GCNT1: variants seen among roughly 807,000 people sequenced by gnomAD.
The protein encoded by GCNT1 is glucosaminyl (N-acetyl) transferase 1, also known as beta-1,3-galactosyl-O-glycosyl-glycoprotein beta-1,6-N-acetylglucosaminyltransferase.
GCNT1 carries 16 observed loss-of-function variants against 26.2 expected under a neutral mutation model. The observed-to-expected ratio is 0.61, with a 90% CI of 0.41 to 0.93. GCNT1 has a LOEUF of 0.93. Among genes scored for constraint, GCNT1 ranks in the 40% least tolerant of loss-of-function variants. The probability of loss-of-function intolerance (pLI) is 0.00; values close to 1 mark genes in which losing one functional copy is unlikely to be tolerated. For missense variants in GCNT1, 477 were observed against 526.7 expected, an observed-to-expected ratio of 0.91 and a Z score of 0.92; for synonymous variants, 183 against 190.8, an observed-to-expected ratio of 0.96 and a Z score of 0.34.
intron 2 of GCNT1, among the ~76,000 whole-genome samples, chr9:76,483,230 C>T (rs1485097054): frequency 6.6e-6 from 1 of 152,092 alleles, no homozygotes; most frequent in East Asian, 1.9e-4. Flanking sequence ...ATTTCAAGTG[C>T]TCAGTAGTTG....
the GCNT1 span, among the ~76,000 whole-genome samples, chr9:76,405,288 AAC>A: frequency 3.5e-4 from 52 of 149,740 alleles, no homozygotes; most frequent in African/African-American, 1.0e-3. Context: ...CCTGACCTTC[AAC>A]ACACACACAC....
chr9:76,439,883 T>C (rs1008175724), upstream of GCNT1, among the ~76,000 whole-genome samples: 3 of 152,002 alleles, frequency 2.0e-5, no homozygotes, highest in Non-Finnish European at 4.4e-5. Flanking sequence ...GCAGATCACC[T>C]GAGGTCAGGA....
At position 76,504,597 on chromosome 9, in the gene GCNT1, G is replaced by C. The variant is rs78618928; in HGVS notation, c.*929G>C. The stretch of plus-strand genomic sequence containing the variant: ...GGTTTGAGGGGCTGGGGAGTGGGAG[G>C]GGGGAGAAAAGGAATGTATTTAAAC... On this transcript the variant is annotated 3_prime_UTR_variant, in exon 4 of 4. Transcript: ENST00000376730. 29 of 409,746 alleles carry C rather than the reference G, an allele frequency of 7.1e-5. No homozygotes were observed. The highest frequency in any genetic ancestry group is 9.4e-5 in the Non-Finnish European group (21 of 224,396). 25.4% of individuals were successfully genotyped at this position (409,746 alleles called of 1,614,324 possible).
At chr9:76,448,079 C>T (rs1003968646) in intron 1 of GCNT1, among the ~76,000 whole-genome samples, 2 of 152,146 alleles carry the variant, frequency 1.3e-5, no homozygotes, top group Non-Finnish European at 2.9e-5. Flanking sequence ...GCAAACTCAG[C>T]GAGTCCAGAT....
intron 1 of GCNT1, among the ~76,000 whole-genome samples, chr9:76,453,878 G>T (rs1823710394): frequency 1.3e-5 from 2 of 152,050 alleles, no homozygotes; most frequent in South Asian, 4.1e-4. Flanking sequence ...CTGGATCACA[G>T]CAATGAGAAC....
chr9:76,490,308 G>T (rs1277758915), intron 2 of GCNT1, among the ~76,000 whole-genome samples: 1 of 152,204 alleles, frequency 6.6e-6, no homozygotes, highest in African/African-American at 2.4e-5. Context: ...ATTTGGGATT[G>T]TAGTTACTAT....
At chr9:76,394,006 G>C in the GCNT1 span, 1 of 1,337,730 alleles carries the variant, frequency 7.5e-7, no homozygotes, top group Non-Finnish European at 1.0e-6. Flanking sequence ...GAGGCCCCAC[G>C]CCCCGGTCCC....
chr9:76,490,783 C>T (rs1196277819), intron 2 of GCNT1, among the ~76,000 whole-genome samples: 1 of 152,234 alleles, frequency 6.6e-6, no homozygotes, highest in Non-Finnish European at 1.5e-5. Context: ...TTTCTTATCA[C>T]TTACTGAATA....
chr9:76,492,818 C>A (rs1824784627), intron 2 of GCNT1, among the ~76,000 whole-genome samples: 1 of 151,978 alleles, frequency 6.6e-6, no homozygotes, highest in Non-Finnish European at 1.5e-5. Flanking sequence ...TGTCTGAGAG[C>A]CATGACTAAG....
chr9:76,393,879 T>A, the GCNT1 span: 2 of 554,050 alleles, frequency 3.6e-6, no homozygotes, highest in Non-Finnish European at 6.3e-6. Context: ...CTCAACCCCG[T>A]CCCCGCGGAG....
chr9:76,447,945 A>T (rs1036573182), intron 1 of GCNT1, among the ~76,000 whole-genome samples: 1 of 152,152 alleles, frequency 6.6e-6, no homozygotes, highest in African/African-American at 2.4e-5. Flanking sequence ...CCCTCAAAAG[A>T]GTGCATTTAG....
At chr9:76,485,757 G>A (rs1476039812) in intron 2 of GCNT1, among the ~76,000 whole-genome samples, 5 of 150,408 alleles carry the variant, frequency 3.3e-5, no homozygotes, top group African/African-American at 9.8e-5. Flanking sequence ...TTGAGACAAG[G>A]TCTCACTCTG....
chr9:76,443,876 G>GAAA (rs367635122), intron 1 of GCNT1, among the ~76,000 whole-genome samples: 6 of 54,372 alleles, frequency 1.1e-4, no homozygotes, highest in Non-Finnish European at 2.5e-4. Context: ...TCTAAAAAAA[G>GAAA]GAAAGAAAGA....
intron 2 of GCNT1, among the ~76,000 whole-genome samples, chr9:76,463,673 A>T (rs1998588): frequency 0.12 from 17,652 of 152,210 alleles, 1,138 homozygotes; most frequent in Middle Eastern, 0.21. Flanking sequence ...AGCATCTGTT[A>T]GATGCCCGGC....
intron 2 of GCNT1, among the ~76,000 whole-genome samples, chr9:76,482,456 C>T (rs919624042): frequency 7.0e-6 from 1 of 143,366 alleles, no homozygotes; most frequent in Non-Finnish European, 1.5e-5. Flanking sequence ...CCTGTCTCTA[C>T]TAAAAATACA....
intron 1 of GCNT1, among the ~76,000 whole-genome samples, chr9:76,443,897 GAAAGGAAGA>G: frequency 2.0e-5 from 1 of 49,032 alleles, no homozygotes; most frequent in Non-Finnish European, 4.5e-5. Context: ...AAGAAAGAAA[GAAAGGAAGA>G]AAGGAAGAAA....
At chr9:76,444,387 T>C (rs1470273434) in intron 1 of GCNT1, among the ~76,000 whole-genome samples, 2 of 151,982 alleles carry the variant, frequency 1.3e-5, no homozygotes, top group East Asian at 1.9e-4. Flanking sequence ...GCCTGAGTCG[T>C]GAAGCTCTGC....
intron 2 of GCNT1, among the ~76,000 whole-genome samples, chr9:76,478,610 T>G (rs1427310345): frequency 6.6e-6 from 1 of 152,204 alleles, no homozygotes; most frequent in Non-Finnish European, 1.5e-5. Flanking sequence ...CTGACTTACT[T>G]GAGTTAGCAT....
intron 1 of GCNT1, among the ~76,000 whole-genome samples, chr9:76,434,475 C>T (rs1425563242): frequency 6.6e-6 from 1 of 152,160 alleles, no homozygotes; most frequent in Admixed American, 6.5e-5. Flanking sequence ...TCTCTTAATC[C>T]TGTTATCTTT....
Sources: allele counts gnomAD v4.1 joint callset (sites outside exome capture counted in the v4.1 genomes callset), GRCh38; gene constraint gnomAD v4.1.1; transcripts MANE v1.5; gene names NCBI Gene and HGNC (gene_info 2026-07-23, HGNC 2026-07-21).